MXRA8: variants seen among roughly 807,000 people sequenced by gnomAD.
MXRA8 encodes matrix remodeling associated 8, also known as matrix remodeling-associated protein 8.
Under a neutral mutation model 51.4 loss-of-function variants are expected in MXRA8, and 44 were observed. The ratio of observed to expected loss-of-function variants is 0.86; its 90% CI spans 0.67 to 1.10. MXRA8 has a LOEUF of 1.10. Ranked by LOEUF, MXRA8 falls within the 50% of genes least tolerant of loss-of-function variation. The pLI, the probability that MXRA8 is intolerant of heterozygous loss-of-function variation, is 0.00. For synonymous variants in MXRA8, 369 were observed against 293.5 expected (o/e 1.26, Z -2.63); for missense variants, 765 against 638.9 (o/e 1.20, Z -2.13).
intron 1 of MXRA8, among the ~76,000 whole-genome samples, chr1:1,357,415 A>G (rs1644154599): frequency 6.6e-6 from 1 of 151,426 alleles, no homozygotes; most frequent in African/African-American, 2.4e-5. Flanking sequence ...GTCCCCACAG[A>G]CCCCACGCCC....
upstream of MXRA8, chr1:1,359,313 G>A: frequency 2.0e-6 from 2 of 985,416 alleles, no homozygotes; most frequent in Non-Finnish European, 2.4e-6. Flanking sequence ...CCTGGAGAAA[G>A]GGGAGAGTGG....
chr1:1,355,619 G>C lies in MXRA8; in HGVS notation c.207C>G (p.Arg69=). 6.8e-7 allele frequency: 1 copy of C among 1,467,598 alleles called. No individual in the cohort carries two copies. The highest frequency in any genetic ancestry group is 3.0e-5 in the East Asian group (1 of 33,768). 90.9% of individuals were successfully genotyped at this position (1,467,598 alleles called of 1,614,324 possible). ...MVWTQDRLHD[R]QRVLHWDLRG... ...GCAGGTCCCAGTGGAGCACGCGCTG[G>C]CGGTCGTGCAGCCGGTCCTGGGTCC... The change falls in exon 3 of 10, where the codon CGC becomes CGG. Residue 69 remains arginine, a synonymous_variant. Transcript: ENST00000309212.
intron 4 of MXRA8, 23 bp from the exon 5 acceptor site, chr1:1,355,175 G>A: frequency 7.2e-7 from 1 of 1,391,264 alleles, no homozygotes; most frequent in Non-Finnish European, 9.3e-7. Context: ...CGCGGTCAGC[G>A]GCGCGCGGGC....
chr1:1,358,627 G>T, upstream of MXRA8: 1 of 1,447,910 alleles, frequency 6.9e-7, no homozygotes, highest in South Asian at 1.5e-5. Flanking sequence ...GCCTGTCTAC[G>T]GTCTGGGGAC....
upstream of MXRA8, among the ~76,000 whole-genome samples, chr1:1,360,650 G>A (rs2649609): frequency 2.0e-3 from 298 of 152,262 alleles, 1 homozygote; most frequent in Non-Finnish European, 3.7e-3. Flanking sequence ...GCCCTGGACC[G>A]TCCTCCTAGC....
At chr1:1,358,885 C>A, upstream of MXRA8, 1 of 1,019,262 alleles carries the variant, frequency 9.8e-7, no homozygotes, top group Non-Finnish European at 1.2e-6. Context: ...GTGGCCCCTC[C>A]GCCCCACCTC....
chr1:1,359,787 C>G (rs925477515), upstream of MXRA8, among the ~76,000 whole-genome samples: 2 of 152,242 alleles, frequency 1.3e-5, no homozygotes, highest in Non-Finnish European at 2.9e-5. Context: ...CCTTTCCAAA[C>G]TGGCTTCAGG....
chr1:1,353,757 C>T (rs1557680349), intron 9 of MXRA8, 91 bp downstream of exon 9: 2 of 1,472,160 alleles, frequency 1.4e-6, no homozygotes, highest in Non-Finnish European at 1.8e-6. Context: ...GGCCCCGGGC[C>T]TGGCTGGTGC....
At chr1:1,361,445 C>G, upstream of MXRA8, 1 of 622,430 alleles carries the variant, frequency 1.6e-6, no homozygotes, top group Non-Finnish European at 2.9e-6. Flanking sequence ...GGTCGGGGGG[C>G]GCCCAGGCTG....
At chr1:1,359,341 G>A (rs552345830), upstream of MXRA8, 287 of 985,426 alleles carry the variant, frequency 2.9e-4, no homozygotes, top group South Asian at 1.3e-3. Flanking sequence ...GCCATGGAAG[G>A]CACAAATTTG....
At chr1:1,362,073 G>GT (rs1312021130), upstream of MXRA8, among the ~76,000 whole-genome samples, 6 of 152,370 alleles carry the variant, frequency 3.9e-5, no homozygotes, top group East Asian at 7.7e-4. Context: ...CTGGCTGACT[G>GT]TTTTCCTGCT....
At position 1,353,906 on chromosome 1, in the gene MXRA8, C is replaced by T. The variant is rs1239022784; in HGVS notation, c.1245G>A (p.Lys415=). 4 of 1,609,860 alleles carry T rather than the reference C, an allele frequency of 2.5e-6. No individual in the cohort carries two copies. The highest frequency in any genetic ancestry group is 2.2e-5 in the East Asian group (1 of 44,868). The change falls in exon 9 of 10, where the codon AAG becomes AAA. Residue 415 remains lysine, a synonymous_variant. Transcript: ENST00000309212. ...IQLDYKNNIL[K]ERAELAHSPL... ...GGCTGTGGGCCAGCTCCGCCCTCTC[C>T]TTCAGGATGTTGTTTTTGTAATCTG...
Position 1,354,381 on chromosome 1 carries a change from G to A in MXRA8, c.1078C>T (p.Leu360Phe), listed in dbSNP as rs4534327. The A allele has an allele frequency of 8.7e-6, 14 of 1,612,146 alleles. No individual in the cohort carries two copies. The highest frequency in any genetic ancestry group is 1.7e-5 in the Admixed American group (1 of 59,966). ...LLFILLLVTVLLAARRRRGGY... is the reference protein window; with the variant it reads ...LLFILLLVTVFLAARRRRGGY... ...CCGCGGCGCCTGCGGGCGGCCAGGA[G>A]GACAGTGACCAGTAGCAGGATGAAG... Residue 360 changes from leucine (L) to phenylalanine (F), a missense_variant, in exon 6 of 10, where the codon CTC becomes TTC. By Grantham distance (22) the Leu-to-Phe change is conservative. Coordinates refer to ENST00000309212, the MANE Select transcript of MXRA8 (RefSeq NM_032348.4).
chr1:1,360,889 GAC>G (rs533125480), upstream of MXRA8, among the ~76,000 whole-genome samples: 131 of 150,346 alleles, frequency 8.7e-4, no homozygotes, highest in Non-Finnish European at 1.5e-3. Flanking sequence ...CACACATGGA[GAC>G]ACACAGAGAT....
intron 2 of MXRA8, 110 bp downstream of exon 2, chr1:1,356,571 G>A (rs1352002946): frequency 1.3e-5 from 9 of 669,536 alleles, no homozygotes; most frequent in Non-Finnish European, 2.0e-5. Flanking sequence ...TGAGCAAGGG[G>A]GAATCAGTGG....
chr1:1,352,940 G>A lies in MXRA8; in HGVS notation c.*664C>T, dbSNP rs1431059511. 4 of 396,014 alleles carry A rather than the reference G, an allele frequency of 1.0e-5. No homozygotes were observed. Among genetic ancestry groups the A allele is most frequent in the East Asian group, 1.2e-4 (2 of 16,454 alleles). The allele number at this position is 396,014 out of a possible 1,614,324, so 24.5% of individuals were successfully genotyped here. On this transcript the variant is annotated 3_prime_UTR_variant, in exon 10 of 10. Transcript: ENST00000309212. ...CAAGGTGGCTGAGAGCAAGGCTAGG[G>A]TAGGGATGGGGCAGAGAAAGGGCAA... is the stretch of plus-strand genomic sequence containing the variant.
At chr1:1,359,593 T>C (rs558138750), upstream of MXRA8, 4,466 of 984,812 alleles carry the variant, frequency 4.5e-3, 9 homozygotes, top group South Asian at 7.5e-3. Context: ...GGTGCCCAAG[T>C]CCTCAGACAG....
At position 1,353,203 on chromosome 1, in the gene MXRA8, C is replaced by G. The variant is rs3845295; in HGVS notation, c.*401G>C. On this transcript the variant is annotated 3_prime_UTR_variant, in exon 10 of 10. Coordinates refer to ENST00000309212, the MANE Select transcript of MXRA8 (RefSeq NM_032348.4). ...TCCTCCAGGAACATCTCCCAGCCCC[C>G]GACGAGCAGAGCCCTGGAGGAGTGG... is the stretch of plus-strand genomic sequence containing the variant. The G allele has an allele frequency of 0.91, 1,142,634 of 1,251,816 alleles. 522,825 individuals carry two copies. The highest frequency in any genetic ancestry group is 0.94 in the Admixed American group (44,665 of 47,424). 77.5% of individuals were successfully genotyped at this position (1,251,816 alleles called of 1,614,324 possible).
Position 1,355,054 on chromosome 1 carries a change from A to C in MXRA8, c.577T>G (p.Trp193Gly), listed in dbSNP as rs1469810925. The C allele has an allele frequency of 6.2e-7, 1 of 1,605,366 alleles. No individual in the cohort carries two copies. Among genetic ancestry groups the C allele is most frequent in the Non-Finnish European group, 8.5e-7 (1 of 1,177,558 alleles). ...LLTCVNRGHVWTDRHVEEAQQ... is the reference protein window; with the variant it reads ...LLTCVNRGHVGTDRHVEEAQQ... ...GCCTCCTCCACGTGCCGGTCGGTCC[A>C]CACGTGCCCGCGGTTCACGCAGGTC... The change falls in exon 5 of 10, where the codon TGG becomes GGG. Residue 193 changes from tryptophan to glycine, a missense_variant. Physicochemically the swap from Trp to Gly is radical, Grantham distance 184. Transcript: ENST00000309212.
Sources: gnomAD v4.1 joint callset for allele counts (sites outside exome capture counted in the v4.1 genomes callset) on GRCh38, gnomAD v4.1.1 for gene constraint, MANE v1.5 for transcripts, NCBI Gene and HGNC (gene_info 2026-07-23, HGNC 2026-07-21) for gene names.